The following RBFOX1 variants were observed in gnomAD, a reference collection of about 807,000 sequenced individuals.
RBFOX1 encodes RNA binding protein fox-1 homolog 1.
RBFOX1 carries 8 observed loss-of-function variants against 57.7 expected under a neutral mutation model. The ratio of observed to expected loss-of-function variants is 0.14; its 90% CI spans 0.08 to 0.25. RBFOX1 has a LOEUF of 0.25. Among genes scored for constraint, RBFOX1 ranks in the 10% least tolerant of loss-of-function variants. The pLI, the probability that RBFOX1 is intolerant of heterozygous loss-of-function variation, is 1.00. For missense variants in RBFOX1, 611 were observed against 548.5 expected (o/e 1.11, Z -1.14); for synonymous variants, 326 against 222.4 (o/e 1.47, Z -4.15).
chr16:5,321,891 C>G (rs1484145769), intron 1 of RBFOX1, among the ~76,000 whole-genome samples: 2 of 152,156 alleles, frequency 1.3e-5, no homozygotes, highest in African/African-American at 4.8e-5. Context: ...GGGACCCACA[C>G]CTTGCTGCAC....
intron 1 of RBFOX1, among the ~76,000 whole-genome samples, chr16:6,161,100 G>A (rs1274681299): frequency 6.6e-6 from 1 of 152,078 alleles, no homozygotes; most frequent in East Asian, 1.9e-4. Flanking sequence ...ATGGAGAAGT[G>A]ATCACTGGCT....
At chr16:6,952,434 C>A (rs1275787396) in intron 3 of RBFOX1, among the ~76,000 whole-genome samples, 1 of 152,054 alleles carries the variant, frequency 6.6e-6, no homozygotes, top group African/African-American at 2.4e-5. Context: ...ATTGCTTGAG[C>A]CCAGGAGTTT....
At chr16:7,488,670 A>G (rs2066082902) in intron 4 of RBFOX1, among the ~76,000 whole-genome samples, 1 of 152,180 alleles carries the variant, frequency 6.6e-6, no homozygotes. Context: ...CAATCTGTCC[A>G]TCATCTATCC....
chr16:5,643,629 G>A (rs1165976648), intron 3 of RBFOX1, among the ~76,000 whole-genome samples: 1 of 152,150 alleles, frequency 6.6e-6, no homozygotes, highest in East Asian at 1.9e-4. Flanking sequence ...GAGTCTTCCT[G>A]CAGCATTTAA....
intron 3 of RBFOX1, among the ~76,000 whole-genome samples, chr16:6,959,618 CACTG>C (rs2082549050): frequency 6.6e-6 from 1 of 152,144 alleles, no homozygotes. Flanking sequence ...ACTGTTCCAG[CACTG>C]ACTGAGTGGT....
intron 2 of RBFOX1, among the ~76,000 whole-genome samples, chr16:5,509,205 A>G (rs991007700): frequency 2.0e-5 from 3 of 152,228 alleles, no homozygotes; most frequent in African/African-American, 7.2e-5. Context: ...GGGTGGTGCA[A>G]GAGCAGGAAG....
intron 4 of RBFOX1, among the ~76,000 whole-genome samples, chr16:7,072,037 C>G (rs1281742948): frequency 1.3e-5 from 2 of 152,178 alleles, no homozygotes; most frequent in Non-Finnish European, 2.9e-5. Flanking sequence ...ATAACGATTT[C>G]TAAACTAGAT....
At chr16:6,913,647 G>C (rs982937352) in intron 3 of RBFOX1, among the ~76,000 whole-genome samples, 6 of 152,186 alleles carry the variant, frequency 3.9e-5, no homozygotes, top group Admixed American at 2.0e-4. Context: ...TGTTTGGGCA[G>C]CAAGTTGGTC....
chr16:5,508,596 C>T (rs996589190), intron 2 of RBFOX1, among the ~76,000 whole-genome samples: 4 of 152,108 alleles, frequency 2.6e-5, no homozygotes, highest in Non-Finnish European at 5.9e-5. Flanking sequence ...AGCAGTTGCA[C>T]AGAGTGCCAC....
At chr16:6,452,565 G>T (rs557168381) in intron 2 of RBFOX1, among the ~76,000 whole-genome samples, 2 of 152,326 alleles carry the variant, frequency 1.3e-5, no homozygotes, top group Non-Finnish European at 2.9e-5. Flanking sequence ...CCTAGAGATC[G>T]TCAAGTGATA....
At chr16:5,423,417 C>T (rs573878847) in intron 1 of RBFOX1, among the ~76,000 whole-genome samples, 11 of 152,258 alleles carry the variant, frequency 7.2e-5, no homozygotes, top group African/African-American at 2.6e-4. Context: ...CAGAACTGTT[C>T]GATCACCACA....
chr16:5,482,555 G>T (rs2069582282), intron 2 of RBFOX1, among the ~76,000 whole-genome samples: 1 of 152,208 alleles, frequency 6.6e-6, no homozygotes, highest in Non-Finnish European at 1.5e-5. Flanking sequence ...AATTTTTCAT[G>T]CTGATGCCTA....
chr16:5,634,071 C>T (rs1207398830), intron 3 of RBFOX1, among the ~76,000 whole-genome samples: 2 of 152,180 alleles, frequency 1.3e-5, no homozygotes, highest in African/African-American at 2.4e-5. Flanking sequence ...TCATTAGTTG[C>T]AGTTTCTGAG....
rs566243416 is a variant in RBFOX1, at chr16:5,268,014, G to A, written c.219+27909G>A. ...GAATCGCTTGAACCCAGGAGGCGGAGGTTGCAGTGAGCTGAGATCACACCG... is the reference window on the plus strand; with the variant it reads ...GAATCGCTTGAACCCAGGAGGCGGAAGTTGCAGTGAGCTGAGATCACACCG... On this transcript the variant is annotated intron_variant, in intron 1 of 2. Transcript: ENST00000585867. Among the ~76,000 whole-genome samples the A allele has an allele frequency of 1.6e-4, 24 of 152,232 alleles. No homozygotes were observed. In the South Asian group the frequency reaches 4.8e-3, roughly 30 times the overall value.
chr16:6,248,565 C>T (rs1018012052), intron 1 of RBFOX1, among the ~76,000 whole-genome samples: 12 of 152,084 alleles, frequency 7.9e-5, no homozygotes, highest in Non-Finnish European at 1.6e-4. Context: ...GGAAGATCCC[C>T]GAGGGATGCA....
At chr16:7,358,711 C>T (rs756448890) in intron 4 of RBFOX1, among the ~76,000 whole-genome samples, 16 of 152,130 alleles carry the variant, frequency 1.1e-4, no homozygotes, top group African/African-American at 3.1e-4. Context: ...TGAACCACTG[C>T]GCCCAGTCTC....
At chr16:5,921,949 T>G (rs1001789742) in intron 4 of RBFOX1, among the ~76,000 whole-genome samples, 2 of 151,448 alleles carry the variant, frequency 1.3e-5, no homozygotes, top group Non-Finnish European at 2.9e-5. Context: ...GCTAGGAGTT[T>G]GCGACTAGCA....
intron 4 of RBFOX1, among the ~76,000 whole-genome samples, chr16:7,207,348 T>A (rs2090201750): frequency 6.6e-6 from 1 of 152,152 alleles, no homozygotes; most frequent in Non-Finnish European, 1.5e-5. Flanking sequence ...TTTTCTTATT[T>A]CTCCACTGTC....
At chr16:7,052,314 T>C (rs2050368586) in intron 4 of RBFOX1, among the ~76,000 whole-genome samples, 1 of 152,254 alleles carries the variant, frequency 6.6e-6, no homozygotes, top group African/African-American at 2.4e-5. Flanking sequence ...TATGGATTTT[T>C]TGATTTAGAT....
Sources: allele counts gnomAD v4.1 joint callset (sites outside exome capture counted in the v4.1 genomes callset), GRCh38; gene constraint gnomAD v4.1.1; transcripts MANE v1.5; gene names NCBI Gene and HGNC (gene_info 2026-07-23, HGNC 2026-07-21).